BTBD7: variants seen among roughly 807,000 people sequenced by gnomAD.
The protein encoded by BTBD7 is BTB domain containing 7.
In BTBD7, 38 loss-of-function variants were observed where a neutral mutation model predicts 99.9. The ratio of observed to expected loss-of-function variants is 0.38; its 90% CI spans 0.29 to 0.50. The LOEUF (loss-of-function observed/expected upper bound fraction) is 0.50. BTBD7 is among the 20% of genes least tolerant of loss of function. The pLI is 0.93. For missense variants in BTBD7, 1,170 were observed against 1,394.6 expected (o/e 0.84, Z 2.57); for synonymous variants, 520 against 511.4 (o/e 1.02, Z -0.23).
At position 93,240,039 on chromosome 14, in the gene BTBD7, AC is replaced by A. The variant is rs2052205949; in HGVS notation, c.*2233del. 6.6e-6 allele frequency: 1 copy of A among 152,248 alleles called. No individual in the cohort carries two copies. Among genetic ancestry groups the A allele is most frequent in the Non-Finnish European group, 1.5e-5 (1 of 68,046 alleles). 9.4% of individuals were successfully genotyped at this position (152,248 alleles called of 1,614,324 possible). Reference sequence around the variant, plus strand: ...CATTCACTTTTGTTTCTGAAGACAGACAGAGACTGGGCTTCAAAAGACACCG... The same window carrying A: ...CATTCACTTTTGTTTCTGAAGACAGAAGAGACTGGGCTTCAAAAGACACCG... On this transcript the variant is annotated 3_prime_UTR_variant, in exon 11 of 11. Coordinates refer to ENST00000334746, the MANE Select transcript of BTBD7 (RefSeq NM_001002860.4).
In BTBD7 at chr14:93,237,707, C is replaced by A. The variant is rs1231269723; in HGVS notation, c.*4566G>T. On this transcript the variant is annotated 3_prime_UTR_variant, in exon 11 of 11. Transcript: ENST00000334746. ...ATGTATCGTTTTACAATGCTTCACA[C>A]AGACGAATTCAAGTTTGGAGGTACC... 3 of 152,646 alleles carry A rather than the reference C, an allele frequency of 2.0e-5. No individual in the cohort carries two copies. The highest frequency in any genetic ancestry group is 2.9e-5 in the Non-Finnish European group (2 of 68,050). The allele number at this position is 152,646 out of a possible 1,614,324, so 9.5% of individuals were successfully genotyped here.
At chr14:93,278,744 T>C (rs937244283) in intron 3 of BTBD7, among the ~76,000 whole-genome samples, 2 of 152,246 alleles carry the variant, frequency 1.3e-5, no homozygotes, top group Non-Finnish European at 2.9e-5. Context: ...GAAACATCAT[T>C]ATGTGGTACA....
Position 93,253,731 on chromosome 14 carries a change from C to T in BTBD7, c.1668G>A (p.Gly556=), listed in dbSNP as rs1215440074. ...TTTGCCGTAACCAGGCATTTGACTTCCCACCTTCTGTTGTAGGAAGCATAT... is the reference window on the plus strand; with the variant it reads ...TTTGCCGTAACCAGGCATTTGACTTTCCACCTTCTGTTGTAGGAAGCATAT... ...PSDMLPTTEG[G]KSNAWLRQKN... is the part of the protein sequence containing the mutation. The change falls in exon 7 of 11, where the codon GGG becomes GGA. Residue 556 remains glycine, a synonymous_variant. Coordinates refer to ENST00000334746, the MANE Select transcript of BTBD7 (RefSeq NM_001002860.4). The T allele has an allele frequency of 3.7e-6, 6 of 1,612,966 alleles. 1 individual carries two copies. The highest frequency in any genetic ancestry group is 1.6e-4 in the Middle Eastern group (1 of 6,076).
chr14:93,312,118 A>G (rs1317540397), intron 1 of BTBD7, among the ~76,000 whole-genome samples: 1 of 152,186 alleles, frequency 6.6e-6, no homozygotes, highest in Non-Finnish European at 1.5e-5. Flanking sequence ...ACTATGAGCA[A>G]TGCTGAAATT....
intron 8 of BTBD7, 109 bp downstream of exon 8, chr14:93,251,354 T>G: frequency 8.5e-7 from 1 of 1,172,198 alleles, no homozygotes; most frequent in Non-Finnish European, 1.2e-6. Flanking sequence ...GCATAAAAAG[T>G]ATTGAAATGT....
intron 1 of BTBD7, among the ~76,000 whole-genome samples, chr14:93,327,316 G>A (rs902590731): frequency 1.3e-5 from 2 of 152,164 alleles, no homozygotes; most frequent in African/African-American, 4.8e-5. Context: ...CACAGTGCTA[G>A]ATACTAGAAA....
In BTBD7 at chr14:93,245,909, C is replaced by T. The variant is rs764801597; in HGVS notation, c.2499G>A (p.Leu833=). The T allele has an allele frequency of 6.2e-7, 1 of 1,614,070 alleles. No homozygotes were observed. Among genetic ancestry groups the T allele is most frequent in the Non-Finnish European group, 8.5e-7 (1 of 1,179,980 alleles). The stretch of plus-strand genomic sequence containing the variant: ...CAGCAGCAGCCACCGTCTGTCTGCC[C>T]AGTCCTGCAGTGCTGGTACAATCAG... ...APPDCTSTAG[L]GRQTVAAAAA... Residue 833 remains leucine (L), a synonymous_variant, in exon 10 of 11, where the codon CTG becomes CTA. Transcript: ENST00000334746.
intron 1 of BTBD7, among the ~76,000 whole-genome samples, chr14:93,321,076 G>C (rs1160082680): frequency 6.6e-6 from 1 of 152,168 alleles, no homozygotes; most frequent in Admixed American, 6.5e-5. Context: ...TTGTAACCAT[G>C]ATTAACTTGA....
At position 93,238,387 on chromosome 14, in the gene BTBD7, T is replaced by C. The variant is rs1298664172; in HGVS notation, c.*3886A>G. ...TAATGGAAAACAGTAAAACACCTTT[T>C]AGCAGTGTGCATGTTAAGTCTTTTA... is the stretch of plus-strand genomic sequence containing the variant. On this transcript the variant is annotated 3_prime_UTR_variant, in exon 11 of 11. Transcript: ENST00000334746. 1 of 152,598 alleles carries C rather than the reference T, an allele frequency of 6.6e-6. No homozygotes were observed. The highest frequency in any genetic ancestry group is 1.5e-5 in the Non-Finnish European group (1 of 68,036). 9.5% of individuals were successfully genotyped at this position (152,598 alleles called of 1,614,324 possible). A position where few individuals can be genotyped will look rare whatever the true frequency, so the allele number is the denominator to read the frequency against.
intron 3 of BTBD7, among the ~76,000 whole-genome samples, chr14:93,286,385 C>G (rs1421262135): frequency 6.6e-6 from 1 of 152,200 alleles, no homozygotes; most frequent in Non-Finnish European, 1.5e-5. Context: ...AGCCCCTGTT[C>G]TCTGGCTAAG....
intron 1 of BTBD7, among the ~76,000 whole-genome samples, chr14:93,321,772 TA>T (rs2053273160): frequency 6.6e-6 from 1 of 152,172 alleles, no homozygotes; most frequent in Non-Finnish European, 1.5e-5. Context: ...TTTTTTTTTT[TA>T]ATCTTCTTTG....
At chr14:93,323,955 A>G (rs1190380104) in intron 1 of BTBD7, among the ~76,000 whole-genome samples, 1 of 152,240 alleles carries the variant, frequency 6.6e-6, no homozygotes, top group Non-Finnish European at 1.5e-5. Flanking sequence ...CATCCCGTAC[A>G]CTTTGGTTCA....
chr14:93,293,561 G>GTC (rs769370497), intron 3 of BTBD7, among the ~76,000 whole-genome samples: 1 of 152,154 alleles, frequency 6.6e-6, no homozygotes, highest in Non-Finnish European at 1.5e-5. Flanking sequence ...GGTGGAGAGG[G>GTC]TGTAGGTTGG....
intron 3 of BTBD7, among the ~76,000 whole-genome samples, chr14:93,271,342 A>C (rs547459876): frequency 5.3e-5 from 8 of 152,132 alleles, no homozygotes; most frequent in African/African-American, 1.9e-4. Context: ...TTCCAGATTC[A>C]TATTGAGGTC....
intron 1 of BTBD7, among the ~76,000 whole-genome samples, chr14:93,306,267 G>T (rs1481109545): frequency 2.0e-5 from 3 of 152,040 alleles, no homozygotes; most frequent in African/African-American, 7.2e-5. Context: ...AGCAATTTAT[G>T]GGTCCACTGA....
intron 1 of BTBD7, among the ~76,000 whole-genome samples, chr14:93,324,448 G>T (rs2053305935): frequency 8.7e-6 from 1 of 115,450 alleles, no homozygotes; most frequent in Admixed American, 8.2e-5. Context: ...GATTTTTGAT[G>T]GCAAATAACT....
In BTBD7 at chr14:93,251,484, C is replaced by G. The variant is rs1353183523; in HGVS notation, c.1921G>C (p.Val641Leu). 6.2e-7 allele frequency: 1 copy of G among 1,601,784 alleles called. No individual in the cohort carries two copies. The change falls in exon 8 of 11, where the codon GTT becomes CTT. Residue 641 changes from valine to leucine, a missense_variant. Coordinates refer to ENST00000334746, the MANE Select transcript of BTBD7 (RefSeq NM_001002860.4). ...TTACCTGGAATTTCGTTGGCTACAA[C>G]TGAAGGAGGGCTTGACTGGTTGCTG... Reference protein sequence around the residue: ...ISSNQSSPPSVVANEIPVPRL... With the variant: ...ISSNQSSPPSLVANEIPVPRL...
Position 93,285,072 on chromosome 14 carries a change from T to A in BTBD7, c.1162+8786A>T, listed in dbSNP as rs1452716288. 2.0e-5 allele frequency among the ~76,000 whole-genome samples: 3 copies of A among 152,300 alleles called. No homozygotes were observed. In the East Asian group the frequency reaches 5.8e-4, roughly 29 times the overall value. ...ATAATGGTCTTTAGCTTGGCCCCAT[T>A]CTTCTCTAGGAAGTACATTCAAATT... On this transcript the variant is annotated intron_variant, in intron 3 of 10. Coordinates refer to ENST00000334746, the MANE Select transcript of BTBD7 (RefSeq NM_001002860.4).
At position 93,239,810 on chromosome 14, in the gene BTBD7, G is replaced by C. The variant is rs757193846; in HGVS notation, c.*2463C>G. Reference sequence around the variant, plus strand: ...TTACTTTTATATTTCAGGGATATGAGAGAATAGTTCATGAATTTTCAGAAA... The same window carrying C: ...TTACTTTTATATTTCAGGGATATGACAGAATAGTTCATGAATTTTCAGAAA... On this transcript the variant is annotated 3_prime_UTR_variant, in exon 11 of 11. Transcript: ENST00000334746. 1 of 152,484 alleles carries C rather than the reference G, an allele frequency of 6.6e-6. No homozygotes were observed. The highest frequency in any genetic ancestry group is 6.6e-5 in the Admixed American group (1 of 15,258). The allele number at this position is 152,484 out of a possible 1,614,324, so 9.4% of individuals were successfully genotyped here.
Sources: allele counts gnomAD v4.1 joint callset (sites outside exome capture counted in the v4.1 genomes callset), GRCh38; gene constraint gnomAD v4.1.1; transcripts MANE v1.5; gene names NCBI Gene and HGNC (gene_info 2026-07-23, HGNC 2026-07-21).